DTWD2: variants seen among roughly 807,000 people sequenced by gnomAD.
The protein encoded by DTWD2 is tRNA-uridine aminocarboxypropyltransferase 2.
A neutral mutation model predicts 31.8 loss-of-function variants in DTWD2; 39 were observed. The ratio of observed to expected loss-of-function variants is 1.22; its 90% CI spans 0.95 to 1.60. DTWD2 has a LOEUF of 1.60. Among genes scored for constraint, DTWD2 ranks in the 40% most tolerant of loss-of-function variants. The probability of loss-of-function intolerance (pLI) is 0.00; values close to 1 mark genes in which losing one functional copy is unlikely to be tolerated. For missense variants in DTWD2, 515 were observed against 381.5 expected (o/e 1.35, Z -2.92); for synonymous variants, 180 against 142.8 (o/e 1.26, Z -1.86).
Position 118,863,197 on chromosome 5 carries a change from C to G in DTWD2, c.598-14979G>C, listed in dbSNP as rs556615245. 9.2e-5 allele frequency among the ~76,000 whole-genome samples: 14 copies of G among 152,308 alleles called. No individual in the cohort carries two copies. The South Asian group carries it at 2.7e-3, about 29-fold the overall frequency. Reference sequence around the variant, plus strand: ...TTACTTTAGGTTATTTAACTTTATACTTTGTATTCCCCTAAATGTTCCAAA... The same window carrying G: ...TTACTTTAGGTTATTTAACTTTATAGTTTGTATTCCCCTAAATGTTCCAAA... On this transcript the variant is annotated intron_variant, in intron 4 of 5. Coordinates refer to ENST00000510708, the MANE Select transcript of DTWD2 (RefSeq NM_173666.4).
chr5:118,903,951 A>G (rs530056499), intron 4 of DTWD2, among the ~76,000 whole-genome samples: 1 of 152,066 alleles, frequency 6.6e-6, no homozygotes, highest in Admixed American at 6.5e-5. Context: ...TGTCAAAAGG[A>G]TAGAGGATCT....
chr5:118,937,279 T>C (rs2149583033), intron 3 of DTWD2, among the ~76,000 whole-genome samples: 1 of 151,920 alleles, frequency 6.6e-6, no homozygotes, highest in Admixed American at 6.6e-5. Flanking sequence ...AAAACTCTCA[T>C]CATTTTAGAA....
chr5:118,964,191 C>T (rs1014300245), intron 1 of DTWD2, among the ~76,000 whole-genome samples: 1 of 146,628 alleles, frequency 6.8e-6, no homozygotes, highest in Admixed American at 6.9e-5. Context: ...ACACTCCAAC[C>T]TGAGCAACAG....
At chr5:118,978,447 G>A (rs1471646598) in intron 1 of DTWD2, among the ~76,000 whole-genome samples, 1 of 152,080 alleles carries the variant, frequency 6.6e-6, no homozygotes, top group Non-Finnish European at 1.5e-5. Flanking sequence ...ACAACCTACA[G>A]AATGGGAGAA....
At chr5:118,979,346 CA>C (rs1755240423) in intron 1 of DTWD2, among the ~76,000 whole-genome samples, 1 of 151,922 alleles carries the variant, frequency 6.6e-6, no homozygotes, top group South Asian at 2.1e-4. Context: ...AATAAAAGGT[CA>C]AAAAACAACA....
chr5:118,907,374 A>T (rs965055134), intron 4 of DTWD2, among the ~76,000 whole-genome samples: 2 of 152,154 alleles, frequency 1.3e-5, no homozygotes, highest in East Asian at 1.9e-4. Context: ...GATTTCTTAT[A>T]AGGAATTGAC....
At chr5:118,857,111 A>G (rs928703824) in intron 4 of DTWD2, among the ~76,000 whole-genome samples, 3 of 152,018 alleles carry the variant, frequency 2.0e-5, no homozygotes, top group African/African-American at 7.2e-5. Flanking sequence ...ATAAACGAAG[A>G]AATGTAGATG....
intron 4 of DTWD2, among the ~76,000 whole-genome samples, chr5:118,897,835 A>T (rs768044452): frequency 1.3e-5 from 2 of 152,226 alleles, no homozygotes; most frequent in East Asian, 3.8e-4. Flanking sequence ...ACCACTGCAT[A>T]TGACCTCCAG....
chr5:118,896,121 G>A (rs950062281), intron 4 of DTWD2, among the ~76,000 whole-genome samples: 1 of 152,044 alleles, frequency 6.6e-6, no homozygotes, highest in African/African-American at 2.4e-5. Flanking sequence ...AACTATGAGC[G>A]AAAATGTGAA....
At chr5:118,895,428 C>G (rs1031681739) in intron 4 of DTWD2, among the ~76,000 whole-genome samples, 1 of 152,088 alleles carries the variant, frequency 6.6e-6, no homozygotes, top group African/African-American at 2.4e-5. Context: ...TCAAAATGAC[C>G]ATACTGCCCT....
intron 4 of DTWD2, among the ~76,000 whole-genome samples, chr5:118,917,606 G>A (rs1753608184): frequency 6.6e-6 from 1 of 152,158 alleles, no homozygotes; most frequent in South Asian, 2.1e-4. Flanking sequence ...GGCAGAAGGG[G>A]AAGCAAACAT....
chr5:118,865,307 C>T (rs1449675853), intron 4 of DTWD2, among the ~76,000 whole-genome samples: 2 of 152,046 alleles, frequency 1.3e-5, no homozygotes, highest in Admixed American at 6.6e-5. Context: ...TATGCAAATA[C>T]AGCATAAAGG....
chr5:118,876,653 G>T (rs1467593341), intron 4 of DTWD2, among the ~76,000 whole-genome samples: 1 of 152,120 alleles, frequency 6.6e-6, no homozygotes, highest in Non-Finnish European at 1.5e-5. Flanking sequence ...TACATTCCTG[G>T]ACACATACAC....
intron 4 of DTWD2, among the ~76,000 whole-genome samples, chr5:118,853,887 A>T (rs1242611142): frequency 6.6e-6 from 1 of 152,166 alleles, no homozygotes; most frequent in Non-Finnish European, 1.5e-5. Flanking sequence ...TTAATACTTA[A>T]GTTTAGGGGG....
In DTWD2 at chr5:118,864,298, C is replaced by A. The variant is rs143770121; in HGVS notation, c.598-16080G>T. Reference sequence around the variant, plus strand: ...TGCAAGGACAAAAAACCAAACACTGCATGTTCTCACTCACAGATGAGAACT... The same window carrying A: ...TGCAAGGACAAAAAACCAAACACTGAATGTTCTCACTCACAGATGAGAACT... On this transcript the variant is annotated intron_variant, in intron 4 of 5. Transcript: ENST00000510708. Among the ~76,000 whole-genome samples, 1,207 of 150,608 alleles carry A rather than the reference C, an allele frequency of 8.0e-3. 15 individuals are homozygous for A. The highest frequency in any genetic ancestry group is 0.027 in the African/African-American group (1,114 of 40,526).
At chr5:118,983,377 T>G (rs1005560625) in intron 1 of DTWD2, among the ~76,000 whole-genome samples, 1 of 152,218 alleles carries the variant, frequency 6.6e-6, no homozygotes, top group Non-Finnish European at 1.5e-5. Context: ...CATCTTGATT[T>G]TGAACTATTA....
rs189069917 is a variant in DTWD2 at position 118,918,452 on chromosome 5, G to A, written c.597+10085C>T. On this transcript the variant is annotated intron_variant, in intron 4 of 5. Transcript: ENST00000510708. ...ACTAGAGTGAGTGACAAGTTAGTCAGAGTGAGACTCCGTCTCAAGAGAAAA... is the reference window on the plus strand; with the variant it reads ...ACTAGAGTGAGTGACAAGTTAGTCAAAGTGAGACTCCGTCTCAAGAGAAAA... 3.4e-5 allele frequency among the ~76,000 whole-genome samples: 5 copies of A among 148,782 alleles called. No homozygotes were observed. In the East Asian group the frequency reaches 9.8e-4, roughly 29 times the overall value.
rs146142822 is a variant in DTWD2 at position 118,852,770 on chromosome 5, G to A, written c.598-4552C>T. Among the ~76,000 whole-genome samples the A allele has an allele frequency of 6.8e-4, 104 of 152,116 alleles. 1 individual carries two copies. Among genetic ancestry groups the A allele is most frequent in the Admixed American group, 2.5e-3 (38 of 15,278 alleles). The stretch of plus-strand genomic sequence containing the variant: ...TAAATTGTTCTATCATAATGACACA[G>A]GTACTTGTATGTTGACTGCAGCACT... On this transcript the variant is annotated intron_variant, in intron 4 of 5. Coordinates refer to ENST00000510708, the MANE Select transcript of DTWD2 (RefSeq NM_173666.4).
At chr5:118,887,820 T>C (rs1211662648) in intron 4 of DTWD2, among the ~76,000 whole-genome samples, 2 of 152,210 alleles carry the variant, frequency 1.3e-5, no homozygotes, top group African/African-American at 2.4e-5. Flanking sequence ...TTTGGTTTTT[T>C]AGAAGAGACG....
Sources: allele counts gnomAD v4.1 joint callset (sites outside exome capture counted in the v4.1 genomes callset), GRCh38; gene constraint gnomAD v4.1.1; transcripts MANE v1.5; gene names NCBI Gene and HGNC (gene_info 2026-07-23, HGNC 2026-07-21).